SCFD2: variants seen among roughly 807,000 people sequenced by gnomAD.
The protein encoded by SCFD2 is sec1 family domain-containing protein 2.
A neutral mutation model predicts 58.9 loss-of-function variants in SCFD2; 54 were observed. The ratio of observed to expected loss-of-function variants is 0.92; its 90% CI spans 0.74 to 1.15. SCFD2 has a LOEUF of 1.15. SCFD2 is among the 50% of genes most tolerant of loss of function. The probability of loss-of-function intolerance (pLI) is 0.00; values close to 1 mark genes in which losing one functional copy is unlikely to be tolerated. For synonymous variants in SCFD2, 321 were observed against 335.9 expected (o/e 0.96, Z 0.49); for missense variants, 805 against 836.6 (o/e 0.96, Z 0.47).
chr4:52,914,960 C>A (rs1447581878), intron 6 of SCFD2, among the ~76,000 whole-genome samples: 1 of 152,044 alleles, frequency 6.6e-6, no homozygotes, highest in African/African-American at 2.4e-5. Context: ...TAAAAAAATA[C>A]CACATTTAAG....
intron 2 of SCFD2, among the ~76,000 whole-genome samples, chr4:53,319,732 A>C (rs1390751684): frequency 6.6e-6 from 1 of 152,084 alleles, no homozygotes; most frequent in African/African-American, 2.4e-5. Context: ...GGGTTTCACC[A>C]TGTTGGCCAG....
chr4:52,937,286 G>A (rs1453181850), intron 5 of SCFD2, among the ~76,000 whole-genome samples: 1 of 152,234 alleles, frequency 6.6e-6, no homozygotes, highest in Admixed American at 6.5e-5. Flanking sequence ...GGTAGGGAAT[G>A]CAGAACAGGT....
intron 4 of SCFD2, among the ~76,000 whole-genome samples, chr4:53,255,222 T>C (rs1202222816): frequency 6.6e-6 from 1 of 150,644 alleles, no homozygotes; most frequent in East Asian, 1.9e-4. Context: ...TATTTATTTA[T>C]TTATTTTTTA....
At chr4:53,012,516 A>T (rs1286606259) in intron 5 of SCFD2, among the ~76,000 whole-genome samples, 1 of 151,962 alleles carries the variant, frequency 6.6e-6, no homozygotes, top group Non-Finnish European at 1.5e-5. Flanking sequence ...CCGAGGGGCC[A>T]CTCTCATGGC....
chr4:52,905,952 T>C (rs1577816043), intron 7 of SCFD2, among the ~76,000 whole-genome samples: 4 of 152,338 alleles, frequency 2.6e-5, no homozygotes, highest in Middle Eastern at 6.8e-3. Flanking sequence ...GTAAAGTCCA[T>C]TAGTGTATTA....
chr4:52,939,808 A>G (rs1560487258), intron 5 of SCFD2, among the ~76,000 whole-genome samples: 3 of 152,218 alleles, frequency 2.0e-5, no homozygotes. Flanking sequence ...AAGCACCATG[A>G]ACGTCATCAT....
At chr4:52,933,274 C>A (rs911728183) in intron 5 of SCFD2, among the ~76,000 whole-genome samples, 17 of 152,030 alleles carry the variant, frequency 1.1e-4, no homozygotes, top group African/African-American at 4.1e-4. Flanking sequence ...CTGTCTGCAG[C>A]CTTCTAGGTG....
At chr4:53,248,439 C>T (rs1285861595) in intron 4 of SCFD2, among the ~76,000 whole-genome samples, 4 of 152,234 alleles carry the variant, frequency 2.6e-5, no homozygotes, top group Non-Finnish European at 4.4e-5. Context: ...AGGAGGCCTG[C>T]CTGCCTCTGT....
intron 4 of SCFD2, among the ~76,000 whole-genome samples, chr4:53,220,035 A>G (rs577649814): frequency 8.6e-5 from 13 of 151,958 alleles, no homozygotes; most frequent in African/African-American, 2.4e-4. Context: ...ACCTAAAACT[A>G]TCTCTCCCCA....
rs532276045 is a variant in SCFD2 at position 52,883,405 on chromosome 4, T to A, written c.1962+2342A>T. ...TCCCCTGCTGCCTGAGGAATCTTCC[T>A]AGGGCCTGCTAACTCTTCAGGGGAG... On this transcript the variant is annotated intron_variant, in intron 8 of 8. Transcript: ENST00000401642. Among the ~76,000 whole-genome samples the A allele has an allele frequency of 1.1e-4, 17 of 152,350 alleles. No homozygotes were observed. In the South Asian group the frequency reaches 3.5e-3, roughly 32 times the overall value.
chr4:53,245,298 CA>C (rs1440554439), intron 4 of SCFD2, among the ~76,000 whole-genome samples: 5 of 151,726 alleles, frequency 3.3e-5, no homozygotes, highest in Non-Finnish European at 1.5e-5. Flanking sequence ...GTGGAGACAT[CA>C]AAAAAAGGGG....
intron 5 of SCFD2, among the ~76,000 whole-genome samples, chr4:52,937,628 T>A (rs1268976449): frequency 6.6e-6 from 1 of 152,066 alleles, no homozygotes; most frequent in Non-Finnish European, 1.5e-5. Flanking sequence ...TCCAAATTGC[T>A]ATAGGAGGAA....
At chr4:53,314,713 A>G in intron 2 of SCFD2, among the ~76,000 whole-genome samples, 1 of 152,354 alleles carries the variant, frequency 6.6e-6, no homozygotes, top group Middle Eastern at 3.4e-3. Flanking sequence ...TTTTAAAGTT[A>G]TACCTAATAA....
chr4:53,187,232 T>C (rs1727762259), intron 4 of SCFD2, among the ~76,000 whole-genome samples: 1 of 152,010 alleles, frequency 6.6e-6, no homozygotes, highest in South Asian at 2.1e-4. Context: ...AATTAGAAAG[T>C]ATTCATTAAA....
intron 2 of SCFD2, among the ~76,000 whole-genome samples, chr4:53,327,677 G>A (rs906530243): frequency 6.6e-6 from 1 of 152,206 alleles, no homozygotes; most frequent in Non-Finnish European, 1.5e-5. Context: ...AAATACAGGA[G>A]ACTGAGCAAA....
chr4:53,155,657 G>A (rs1726656756), intron 4 of SCFD2, among the ~76,000 whole-genome samples: 1 of 152,156 alleles, frequency 6.6e-6, no homozygotes, highest in African/African-American at 2.4e-5. Context: ...CATGTCTTCA[G>A]GGATGTGATA....
chr4:53,271,103 CTT>C lies in SCFD2; in HGVS notation c.1311+2721_1311+2722del, dbSNP rs982085580. Among the ~76,000 whole-genome samples, 98 of 152,124 alleles carry C rather than the reference CTT, an allele frequency of 6.4e-4. 1 individual carries two copies. Among genetic ancestry groups the C allele is most frequent in the African/African-American group, 2.2e-3 (93 of 41,496 alleles). The stretch of plus-strand genomic sequence containing the variant: ...AAGAAATAAGCTCCTTTTTCTGCCT[CTT>C]GATATATGTTTGTGACACTTTAGAC... On this transcript the variant is annotated intron_variant, in intron 4 of 8. Coordinates refer to ENST00000401642, the MANE Select transcript of SCFD2 (RefSeq NM_152540.4).
At chr4:53,123,119 C>T (rs1725528258) in intron 5 of SCFD2, among the ~76,000 whole-genome samples, 1 of 152,142 alleles carries the variant, frequency 6.6e-6, no homozygotes, top group Admixed American at 6.5e-5. Context: ...TTCACATTTT[C>T]AATGAATAGC....
chr4:53,179,384 C>T (rs2148945851), intron 4 of SCFD2, among the ~76,000 whole-genome samples: 1 of 152,316 alleles, frequency 6.6e-6, no homozygotes, highest in East Asian at 1.9e-4. Context: ...CCCAGAATCT[C>T]ATATCCAGCC....
Sources: gnomAD v4.1 joint callset for allele counts (sites outside exome capture counted in the v4.1 genomes callset) on GRCh38, gnomAD v4.1.1 for gene constraint, MANE v1.5 for transcripts, NCBI Gene and HGNC (gene_info 2026-07-23, HGNC 2026-07-21) for gene names.